ACTR8: variants seen among roughly 807,000 people sequenced by gnomAD.
ACTR8 encodes actin-related protein 8.
Under a neutral mutation model 84.3 loss-of-function variants are expected in ACTR8, and 70 were observed. That is an observed-to-expected ratio of 0.83 (90% CI 0.68 to 1.01). ACTR8 has a LOEUF of 1.01. Ranked by LOEUF, ACTR8 falls within the 50% of genes least tolerant of loss-of-function variation. ACTR8 has a pLI of 0.00. For missense variants in ACTR8, 672 were observed against 775.4 expected (o/e 0.87, Z 1.58); for synonymous variants, 268 against 275.2 (o/e 0.97, Z 0.26).
downstream of ACTR8, chr3:53,865,930 C>T (rs1699767276): frequency 1.3e-5 from 2 of 152,174 alleles, no homozygotes; most frequent in South Asian, 4.1e-4. Context: ...CAACAAAATA[C>T]CCACAAACTT....
chr3:53,869,459 G>C (rs1243745615), intron 12 of ACTR8, among the ~76,000 whole-genome samples: 3 of 152,106 alleles, frequency 2.0e-5, no homozygotes, highest in Non-Finnish European at 4.4e-5. Flanking sequence ...AGTTTGAGTG[G>C]AATAAATAGA....
In ACTR8 at chr3:53,871,323, A is replaced by C. The variant is rs1430616854; in HGVS notation, c.1476T>G (p.Thr492=). The C allele has an allele frequency of 6.2e-7, 1 of 1,614,260 alleles. No individual in the cohort carries two copies. The highest frequency in any genetic ancestry group is 2.2e-5 in the East Asian group (1 of 44,884). Residue 492 remains threonine, a synonymous_variant, in exon 11 of 13, where the codon ACT becomes ACG. Transcript: ENST00000335754. ...TGGCAGTCTTCCTGGACATCAGTGC[A>C]GTGAGGGCCTCCTCGGAATCGTTGC... ...MAGNDSEEAL[T]ALMSRKTAIS...
chr3:53,866,414 C>T (rs1699780365), downstream of ACTR8, among the ~76,000 whole-genome samples: 1 of 152,154 alleles, frequency 6.6e-6, no homozygotes, highest in African/African-American at 2.4e-5. Context: ...CACAGAATGA[C>T]AGAACATAAA....
chr3:53,862,512 GA>G (rs746501502), downstream of ACTR8, among the ~76,000 whole-genome samples: 2 of 152,196 alleles, frequency 1.3e-5, no homozygotes, highest in African/African-American at 2.4e-5. Context: ...GCCAATCAAG[GA>G]AAGAGATTGT....
At chr3:53,860,336 T>C in the ACTR8 span, 1 of 803,122 alleles carries the variant, frequency 1.2e-6, no homozygotes, top group Non-Finnish European at 2.0e-6. Context: ...TTTCCCAGAG[T>C]TAGATAGCAT....
Position 53,868,439 on chromosome 3 carries a change from C to T in ACTR8, c.*280G>A, listed in dbSNP as rs146364482. ...ACCACATGAGAACCTTCAATAGCAA[C>T]GTTTACATCACTGGGGAGTTTATGA... On this transcript the variant is annotated 3_prime_UTR_variant, in exon 13 of 13. Coordinates refer to ENST00000335754, the MANE Select transcript of ACTR8 (RefSeq NM_022899.5). 3.3e-3 allele frequency: 1,116 copies of T among 342,542 alleles called. 4 individuals are homozygous for T. Among genetic ancestry groups the T allele is most frequent in the Middle Eastern group, 0.01 (13 of 1,254 alleles). The allele number at this position is 342,542 out of a possible 1,614,324, so 21.2% of individuals were successfully genotyped here. A position where few individuals can be genotyped will look rare whatever the true frequency, so the allele number is the denominator to read the frequency against.
Position 53,882,042 on chromosome 3 carries a change from C to T in ACTR8, c.60G>A (p.Glu20=). ...GCCGCTTCACGCCGCGCTGCTCCTT[C>T]TCCTTCTCGCCGCCCTTCTCCTTTC... is the stretch of plus-strand genomic sequence containing the variant. ...ENGKEKGGEK[E]KEQRGVKRPI... Residue 20 remains glutamate, a synonymous_variant, in exon 1 of 13, where the codon GAG becomes GAA. Coordinates refer to ENST00000335754, the MANE Select transcript of ACTR8 (RefSeq NM_022899.5). 1 of 1,551,740 alleles carries T rather than the reference C, an allele frequency of 6.4e-7. No individual in the cohort carries two copies. The highest frequency in any genetic ancestry group is 8.7e-7 in the Non-Finnish European group (1 of 1,146,886).
At chr3:53,864,762 T>A, downstream of ACTR8, 1 of 1,608,636 alleles carries the variant, frequency 6.2e-7, no homozygotes. Flanking sequence ...TCAAGAAGAC[T>A]TCCTTTTCTA....
In ACTR8 at chr3:53,876,094, A is replaced by AT; in HGVS notation, c.779-15_779-14insA. On this transcript the variant is annotated splice_polypyrimidine_tract_variant and intron_variant, in intron 6 of 12. Transcript: ENST00000335754. ...GGACCACAATCCCTGGGGGGGGAAA[A>AT]GAAAAGGCAGAGTAGTCATTAGCTG... 1.3e-6 allele frequency: 2 copies of AT among 1,592,420 alleles called. No homozygotes were observed. The highest frequency in any genetic ancestry group is 2.2e-5 in the South Asian group (2 of 89,884).
chr3:53,876,375 T>C (rs1279174526), intron 6 of ACTR8, among the ~76,000 whole-genome samples: 2 of 151,988 alleles, frequency 1.3e-5, no homozygotes, highest in African/African-American at 4.8e-5. Flanking sequence ...AAAAATTAGC[T>C]GGGCATGGTG....
intron 9 of ACTR8, 98 bp from the exon 10 acceptor site, chr3:53,872,622 C>G: frequency 7.2e-7 from 1 of 1,383,206 alleles, no homozygotes; most frequent in Non-Finnish European, 9.7e-7. Context: ...ACTGGCAGAT[C>G]AGATTCCCTA....
At position 53,881,889 on chromosome 3, in the gene ACTR8, G is replaced by A. The variant is rs571949388; in HGVS notation, c.123+90C>T. 9.8e-6 allele frequency: 15 copies of A among 1,532,726 alleles called. No individual in the cohort carries two copies. The Admixed American group carries it at 2.4e-4, about 24-fold the overall frequency. 94.9% of individuals were successfully genotyped at this position (1,532,726 alleles called of 1,614,324 possible). ...ACCAGGGGCTGGGGCCTGCAAGGGG[G>A]ACTCGAAGCCTCCCGCCGCCTCCCG... On this transcript the variant is annotated intron_variant, in intron 1 of 12. Coordinates refer to ENST00000335754, the MANE Select transcript of ACTR8 (RefSeq NM_022899.5).
At chr3:53,859,463 G>A in the ACTR8 span, 1 of 152,452 alleles carries the variant, frequency 6.6e-6, no homozygotes, top group Admixed American at 6.5e-5. Flanking sequence ...CTTGTGCGTG[G>A]GCGAAGCCTT....
rs1010328423 is a variant in ACTR8 at position 53,873,229 on chromosome 3, A to G, written c.1066-102T>C. On this transcript the variant is annotated intron_variant, in intron 8 of 12. Transcript: ENST00000335754. The stretch of plus-strand genomic sequence containing the variant: ...CATCATCTAAATATCACCTATAAAA[A>G]GGCCAACCTACAGCTTTGTACCACT... 4 of 825,808 alleles carry G rather than the reference A, an allele frequency of 4.8e-6. No individual in the cohort carries two copies. The African/African-American group carries it at 6.8e-5, about 14-fold the overall frequency. The allele number at this position is 825,808 out of a possible 1,614,324, so 51.2% of individuals were successfully genotyped here.
chr3:53,873,149 G>A (rs1216705827), intron 8 of ACTR8, 22 bp from the exon 9 acceptor site: 1 of 1,572,988 alleles, frequency 6.4e-7, no homozygotes, highest in Non-Finnish European at 8.7e-7. Context: ...AAAAGATGCT[G>A]TCAGTGAATC....
At chr3:53,862,439 A>G (rs1045411619), downstream of ACTR8, among the ~76,000 whole-genome samples, 12 of 152,244 alleles carry the variant, frequency 7.9e-5, no homozygotes, top group Admixed American at 5.9e-4. Context: ...GCCTGAAACA[A>G]TAAATTCCTG....
chr3:53,876,682 A>T lies in ACTR8; in HGVS notation c.716T>A (p.Ile239Asn), dbSNP rs753049984. 1.3e-6 allele frequency: 2 copies of T among 1,559,672 alleles called. No individual in the cohort carries two copies. The highest frequency in any genetic ancestry group is 1.8e-5 in the Admixed American group (1 of 55,740). ...TTCTTTCACATGCTGCTTATTATAG[A>T]TATCAGGAATTAACAAGATACATCT... ...YYRCILLIPDIYNKQHVKELV... is the reference protein window; with the variant it reads ...YYRCILLIPDNYNKQHVKELV... Residue 239 changes from isoleucine (I) to asparagine (N), a missense_variant, in exon 6 of 13, where the codon ATC becomes AAC. Coordinates refer to ENST00000335754, the MANE Select transcript of ACTR8 (RefSeq NM_022899.5).
At chr3:53,866,080 G>A (rs1243788757), downstream of ACTR8, among the ~76,000 whole-genome samples, 7 of 152,208 alleles carry the variant, frequency 4.6e-5, no homozygotes. Flanking sequence ...TTATAAATGA[G>A]TTATTATAAT....
At chr3:53,863,688 A>G (rs1576850654), downstream of ACTR8, among the ~76,000 whole-genome samples, 1 of 152,158 alleles carries the variant, frequency 6.6e-6, no homozygotes, top group Non-Finnish European at 1.5e-5. Flanking sequence ...AAGAAACTCT[A>G]CCACCTGCAG....
Sources: gnomAD v4.1 joint callset for allele counts (sites outside exome capture counted in the v4.1 genomes callset) on GRCh38, gnomAD v4.1.1 for gene constraint, MANE v1.5 for transcripts, NCBI Gene and HGNC (gene_info 2026-07-23, HGNC 2026-07-21) for gene names.